Variants in CDH13 observed in about 807,000 individuals in gnomAD.
CDH13 encodes cadherin-13.
A neutral mutation model predicts 63.8 loss-of-function variants in CDH13; 24 were observed. The ratio of observed to expected loss-of-function variants is 0.38; its 90% CI spans 0.27 to 0.53. CDH13 has a LOEUF of 0.53. Among genes scored for constraint, CDH13 ranks in the 20% least tolerant of loss-of-function variants. CDH13 has a pLI of 0.85. For synonymous variants in CDH13, 503 were observed against 355.3 expected (o/e 1.42, Z -4.67); for missense variants, 1,049 against 903.1 (o/e 1.16, Z -2.07).
At chr16:83,716,120 G>C (rs1418108160) in intron 10 of CDH13, among the ~76,000 whole-genome samples, 1 of 152,028 alleles carries the variant, frequency 6.6e-6, no homozygotes, top group Non-Finnish European at 1.5e-5. Flanking sequence ...TTGTTTTTTA[G>C]AGCAGTTGCA....
chr16:82,726,566 C>T (rs1237052846), intron 1 of CDH13, among the ~76,000 whole-genome samples: 1 of 152,190 alleles, frequency 6.6e-6, no homozygotes, highest in East Asian at 1.9e-4. Context: ...TTACAGTCTG[C>T]ATCTGTTGCA....
At chr16:83,693,674 G>A (rs1905106097) in intron 10 of CDH13, among the ~76,000 whole-genome samples, 1 of 152,208 alleles carries the variant, frequency 6.6e-6, no homozygotes, top group Non-Finnish European at 1.5e-5. Context: ...ATTAAATGTA[G>A]GAGTTGAACA....
intron 1 of CDH13, among the ~76,000 whole-genome samples, chr16:82,671,362 A>G (rs1913221754): frequency 6.6e-6 from 1 of 152,198 alleles, no homozygotes; most frequent in Non-Finnish European, 1.5e-5. Context: ...GTGGCAGTGC[A>G]GTACCTTGGT....
At chr16:83,064,561 A>G (rs924947248) in intron 3 of CDH13, among the ~76,000 whole-genome samples, 5 of 152,236 alleles carry the variant, frequency 3.3e-5, no homozygotes, top group African/African-American at 9.6e-5. Context: ...TATAATGATC[A>G]TTCCATCATT....
intron 9 of CDH13, among the ~76,000 whole-genome samples, chr16:83,672,407 C>CTTTTTTT (rs1379215242): frequency 1.8e-5 from 1 of 55,186 alleles, no homozygotes; most frequent in Non-Finnish European, 3.8e-5. Context: ...TCTCTGGATT[C>CTTTTTTT]TCTTTTTTTT....
chr16:82,872,394 T>C (rs2040371278), intron 2 of CDH13, among the ~76,000 whole-genome samples: 1 of 152,252 alleles, frequency 6.6e-6, no homozygotes, highest in African/African-American at 2.4e-5. Context: ...CTGTTTCATT[T>C]CTGTTTTTCT....
chr16:83,234,411 T>G (rs2040087636), intron 5 of CDH13, among the ~76,000 whole-genome samples: 1 of 152,152 alleles, frequency 6.6e-6, no homozygotes, highest in Non-Finnish European at 1.5e-5. Flanking sequence ...CCCAAGGCCC[T>G]TTTGTCCACT....
At chr16:83,442,306 C>G (rs2072501687) in intron 6 of CDH13, among the ~76,000 whole-genome samples, 1 of 152,186 alleles carries the variant, frequency 6.6e-6, no homozygotes, top group Non-Finnish European at 1.5e-5. Flanking sequence ...GTGCAGGATT[C>G]TATGTGAATC....
At chr16:82,910,581 C>CT (rs1408803752) in intron 2 of CDH13, among the ~76,000 whole-genome samples, 1 of 152,152 alleles carries the variant, frequency 6.6e-6, no homozygotes, top group African/African-American at 2.4e-5. Context: ...TCATTAAACT[C>CT]TAGTCTCAAG....
At chr16:82,686,538 C>A (rs1165775731) in intron 1 of CDH13, among the ~76,000 whole-genome samples, 1 of 152,200 alleles carries the variant, frequency 6.6e-6, no homozygotes, top group Admixed American at 6.5e-5. Context: ...TGCCAGAGAA[C>A]AACGAGGCCA....
intron 2 of CDH13, among the ~76,000 whole-genome samples, chr16:83,008,170 T>C (rs936791640): frequency 2.6e-5 from 4 of 152,060 alleles, no homozygotes; most frequent in African/African-American, 9.7e-5. Context: ...AGACAATAAA[T>C]AGTATAAATA....
chr16:83,444,072 T>A (rs1190773677), intron 6 of CDH13, among the ~76,000 whole-genome samples: 4 of 151,096 alleles, frequency 2.6e-5, no homozygotes, highest in Non-Finnish European at 5.9e-5. Flanking sequence ...GTGATGATCA[T>A]CATGGCAAAG....
intron 4 of CDH13, among the ~76,000 whole-genome samples, chr16:83,131,787 T>C (rs1190128981): frequency 6.6e-6 from 1 of 152,204 alleles, no homozygotes; most frequent in Non-Finnish European, 1.5e-5. Flanking sequence ...TTAAAGACCC[T>C]ATAAATTGGT....
intron 2 of CDH13, among the ~76,000 whole-genome samples, chr16:82,994,444 C>T (rs993273186): frequency 2.0e-5 from 3 of 152,252 alleles, no homozygotes; most frequent in Non-Finnish European, 4.4e-5. Flanking sequence ...TGCTCTTGGC[C>T]TAGGGCTTCT....
At chr16:83,745,679 C>T (rs1597165438) in intron 10 of CDH13, among the ~76,000 whole-genome samples, 1 of 152,204 alleles carries the variant, frequency 6.6e-6, no homozygotes, top group Non-Finnish European at 1.5e-5. Context: ...TCAGTGACCA[C>T]AGCCTCCCCC....
rs144513660 is a variant in CDH13 at position 82,944,980 on chromosome 16, A to G, written c.157+86507A>G. ...GTAGGCAGTAGCAACTGTAGAAAAT[A>G]TATTATACTGGTAATCTGACAGTCT... On this transcript the variant is annotated intron_variant, in intron 2 of 13. Coordinates refer to ENST00000567109, the MANE Select transcript of CDH13 (RefSeq NM_001257.5). Among the ~76,000 whole-genome samples the G allele has an allele frequency of 4.9e-3, 753 of 152,326 alleles. 11 individuals carry two copies. In the East Asian group the frequency reaches 0.064, roughly 13 times the overall value.
chr16:83,405,206 CTAGCTGTGTAAG>C (rs1234754079), intron 6 of CDH13, among the ~76,000 whole-genome samples: 5 of 152,138 alleles, frequency 3.3e-5, no homozygotes, highest in East Asian at 1.9e-4. Context: ...TATGGATATA[CTAGCTGTGTAAG>C]TAGCTGTGTA....
At chr16:82,996,464 T>G (rs1912215229) in intron 2 of CDH13, among the ~76,000 whole-genome samples, 2 of 152,178 alleles carry the variant, frequency 1.3e-5, no homozygotes, top group Admixed American at 1.3e-4. Context: ...TTTATCTCTC[T>G]GCCGGGCTAG....
chr16:83,467,787 A>C (rs541717781), intron 6 of CDH13, among the ~76,000 whole-genome samples: 1 of 152,072 alleles, frequency 6.6e-6, no homozygotes, highest in African/African-American at 2.4e-5. Flanking sequence ...TGAGCCAGTC[A>C]CTTCTGTTCT....
Sources: allele counts gnomAD v4.1 joint callset (sites outside exome capture counted in the v4.1 genomes callset), GRCh38; gene constraint gnomAD v4.1.1; transcripts MANE v1.5; gene names NCBI Gene and HGNC (gene_info 2026-07-23, HGNC 2026-07-21).